The following ATG16L2 variants were observed in gnomAD, a reference collection of about 807,000 sequenced individuals.
ATG16L2 encodes the protein protein Atg16l2.
In ATG16L2, 77 loss-of-function variants were observed where a neutral mutation model predicts 84.7. The ratio of observed to expected loss-of-function variants is 0.91; its 90% CI spans 0.76 to 1.10. ATG16L2 has a LOEUF of 1.10. Ranked by LOEUF, ATG16L2 falls within the 50% of genes least tolerant of loss-of-function variation. ATG16L2 has a pLI of 0.00. For synonymous variants in ATG16L2, 361 were observed against 342.8 expected, an observed-to-expected ratio of 1.05 and a Z score of -0.59; for missense variants, 782 against 817.6, an observed-to-expected ratio of 0.96 and a Z score of 0.53.
In ATG16L2 at chr11:72,816,834, G is replaced by T; in HGVS notation, c.218+7G>T. On this transcript the variant is annotated splice_region_variant and intron_variant, in intron 2 of 17. Transcript: ENST00000321297. ...CCACCCACCAGGGCCCCTGGTAAGT[G>T]TATGTGGGTCCGTGGTCACAAAGGG... 6.2e-7 allele frequency: 1 copy of T among 1,612,936 alleles called. No homozygotes were observed. Among genetic ancestry groups the T allele is most frequent in the Non-Finnish European group, 8.5e-7 (1 of 1,178,908 alleles).
intron 9 of ATG16L2, 50 bp from the exon 10 acceptor site, chr11:72,825,252 A>C: frequency 6.8e-7 from 1 of 1,471,806 alleles, no homozygotes; most frequent in Non-Finnish European, 9.5e-7. Context: ...GAGCACTCAC[A>C]GAGACATGCG....
intron 7 of ATG16L2, chr11:72,823,762 G>T (rs774270734): frequency 5.7e-6 from 3 of 525,022 alleles, no homozygotes; most frequent in South Asian, 4.6e-5. Flanking sequence ...TCTCCTCCCT[G>T]TAGGCCCCGG....
rs988447741 is a variant in ATG16L2 at position 72,814,458 on chromosome 11, G to T, written c.13G>T (p.Gly5Cys). 8.0e-6 allele frequency: 12 copies of T among 1,506,616 alleles called. No individual in the cohort carries two copies. Among genetic ancestry groups the T allele is most frequent in the Middle Eastern group, 2.2e-4 (1 of 4,508 alleles). The allele number at this position is 1,506,616 out of a possible 1,614,324, so 93.3% of individuals were successfully genotyped here. The change falls in exon 1 of 18, where the codon GGC becomes TGC. Residue 5 changes from glycine to cysteine, a missense_variant. Transcript: ENST00000321297. The stretch of plus-strand genomic sequence containing the variant: ...GGAGAGCGCGGCCATGGCGGGGCCG[G>T]GCGTCCCCGGTGCCCCCGCAGCGCG... MAGP[G>C]VPGAPAARWK...
intron 3 of ATG16L2, chr11:72,820,474 A>G (rs140894436): frequency 2.6e-5 from 4 of 152,382 alleles, no homozygotes; most frequent in African/African-American, 9.6e-5. Flanking sequence ...ATTGAATGGT[A>G]CAACACAACA....
chr11:72,823,129 C>T (rs1241924861), intron 7 of ATG16L2, 168 bp downstream of exon 7: 2 of 573,472 alleles, frequency 3.5e-6, no homozygotes, highest in Non-Finnish European at 6.2e-6. Context: ...TTGTCTGGAG[C>T]CACTTGGGGT....
intron 4 of ATG16L2, 44 bp from the exon 5 acceptor site, chr11:72,822,000 C>G: frequency 6.8e-7 from 1 of 1,465,802 alleles, no homozygotes; most frequent in Non-Finnish European, 8.9e-7. Flanking sequence ...TGGGCAGTGA[C>G]GGGGGAAGCT....
At chr11:72,824,385 G>A (rs1173396300) in intron 8 of ATG16L2, 1 of 580,266 alleles carries the variant, frequency 1.7e-6, no homozygotes, top group East Asian at 2.9e-5. Flanking sequence ...CTCAGGCAGG[G>A]CAGGAGCTCC....
intron 5 of ATG16L2, chr11:72,837,127 T>G (rs1860751900): frequency 6.6e-6 from 1 of 152,204 alleles, no homozygotes; most frequent in South Asian, 2.1e-4. Flanking sequence ...TAGCAAACTT[T>G]AAAATCTTAA....
chr11:72,826,076 G>T, intron 10 of ATG16L2, 97 bp from the exon 11 acceptor site: 1 of 977,752 alleles, frequency 1.0e-6, no homozygotes, highest in Non-Finnish European at 1.5e-6. Context: ...TGTGTCGGGG[G>T]GTGGGGCGGG....
intron 3 of ATG16L2, chr11:72,821,379 A>C (rs1408552213): frequency 1.6e-6 from 2 of 1,226,016 alleles, no homozygotes; most frequent in Non-Finnish European, 1.0e-6. Flanking sequence ...CAGGCGAGGC[A>C]GTGGAGCGGG....
chr11:72,823,136 G>A (rs1860113328), intron 7 of ATG16L2, 175 bp downstream of exon 7: 3 of 565,180 alleles, frequency 5.3e-6, no homozygotes, highest in Non-Finnish European at 9.4e-6. Flanking sequence ...GAGCCACTTG[G>A]GGTCAGTTCC....
chr11:72,837,502 C>T (rs986630513), intron 5 of ATG16L2: 1 of 152,096 alleles, frequency 6.6e-6, no homozygotes, highest in African/African-American at 2.4e-5. Flanking sequence ...GGCGAACATC[C>T]CTTAGTCCCT....
At position 72,824,782 on chromosome 11, in the gene ATG16L2, A is replaced by C. The variant is rs1254338797; in HGVS notation, c.936A>C (p.Arg312=). 1 of 1,612,710 alleles carries C rather than the reference A, an allele frequency of 6.2e-7. No homozygotes were observed. The change falls in exon 9 of 18, where the codon CGA becomes CGC. Residue 312 remains arginine, a synonymous_variant. Coordinates refer to ENST00000321297, the MANE Select transcript of ATG16L2 (RefSeq NM_033388.2). Reference sequence around the variant, plus strand: ...CAATTGGGGGAGCCCCTGAGCAGCGATACCAGATCATCCCTGTGTGTGTGG... The same window carrying C: ...CAATTGGGGGAGCCCCTGAGCAGCGCTACCAGATCATCCCTGTGTGTGTGG... ...GHSIGGAPEQ[R]YQIIPVCVAA...
downstream of ATG16L2, chr11:72,829,709 C>T: frequency 2.1e-6 from 2 of 971,126 alleles, no homozygotes; most frequent in Non-Finnish European, 1.3e-6. Context: ...AAGATCCAGG[C>T]TTGGCCCCCT....
chr11:72,819,645 A>C (rs926461204), intron 3 of ATG16L2, among the ~76,000 whole-genome samples: 1 of 152,060 alleles, frequency 6.6e-6, no homozygotes, highest in African/African-American at 2.4e-5. Context: ...CCTTTGCCTG[A>C]GATACTTTCC....
At position 72,821,470 on chromosome 11, in the gene ATG16L2, C is replaced by G. The variant is rs956688343; in HGVS notation, c.319-198C>G. 2.1e-5 allele frequency: 30 copies of G among 1,396,794 alleles called. No individual in the cohort carries two copies. The South Asian group carries it at 2.8e-4, about 13-fold the overall frequency. 86.5% of individuals were successfully genotyped at this position (1,396,794 alleles called of 1,614,324 possible). A position where few individuals can be genotyped will look rare whatever the true frequency, so the allele number is the denominator to read the frequency against. On this transcript the variant is annotated intron_variant, in intron 3 of 17. Coordinates refer to ENST00000321297, the MANE Select transcript of ATG16L2 (RefSeq NM_033388.2). ...GAGGATTGGGACCCAGGGCTGACTC[C>G]AGAGCCCGAGGGCCTTCCACTGCTC...
intron 9 of ATG16L2, 44 bp downstream of exon 9, chr11:72,824,886 A>G (rs373005839): frequency 6.6e-7 from 1 of 1,508,666 alleles, no homozygotes; most frequent in African/African-American, 1.4e-5. Flanking sequence ...GTGGTGAGAG[A>G]GTGCAGGCAC....
intron 7 of ATG16L2, 171 bp downstream of exon 7, chr11:72,823,132 C>G: frequency 1.8e-6 from 1 of 570,842 alleles, no homozygotes; most frequent in Non-Finnish European, 3.1e-6. Flanking sequence ...TCTGGAGCCA[C>G]TTGGGGTCAG....
intron 11 of ATG16L2, 86 bp downstream of exon 11, chr11:72,826,329 C>T (rs1344864012): frequency 6.8e-7 from 1 of 1,481,374 alleles, no homozygotes; most frequent in Non-Finnish European, 9.3e-7. Context: ...CCTGAGGGCG[C>T]AACATGGATA....
Sources: allele counts gnomAD v4.1 joint callset (sites outside exome capture counted in the v4.1 genomes callset), GRCh38; gene constraint gnomAD v4.1.1; transcripts MANE v1.5; gene names NCBI Gene and HGNC (gene_info 2026-07-23, HGNC 2026-07-21).